XRN1: variants seen among roughly 807,000 people sequenced by gnomAD.
The protein encoded by XRN1 is 5'-3' exoribonuclease 1, also known as strand-exchange protein 1 homolog.
In XRN1, 67 loss-of-function variants were observed where a neutral mutation model predicts 222.3. That is an observed-to-expected ratio of 0.30 (90% CI 0.25 to 0.37). XRN1 has a LOEUF of 0.37. Ranked by LOEUF, XRN1 falls within the 10% of genes least tolerant of loss-of-function variation. XRN1 has a pLI of 1.00. For synonymous variants in XRN1, 643 were observed against 652.4 expected (o/e 0.99, Z 0.22); for missense variants, 1,707 against 2,000.2 (o/e 0.85, Z 2.80).
intron 29 of XRN1, among the ~76,000 whole-genome samples, chr3:142,361,250 C>T (rs1055007666): frequency 6.6e-6 from 1 of 152,232 alleles, no homozygotes; most frequent in Middle Eastern, 3.2e-3. Context: ...TATTCCACTG[C>T]ATATGTATCC....
intron 29 of XRN1, among the ~76,000 whole-genome samples, chr3:142,362,029 T>C (rs1288811201): frequency 1.4e-5 from 2 of 144,986 alleles, no homozygotes; most frequent in East Asian, 2.0e-4. Context: ...AGTGCAGTGG[T>C]GTGATCTCAG....
At chr3:142,417,554 T>A (rs755917168) in intron 12 of XRN1, among the ~76,000 whole-genome samples, 71 of 152,210 alleles carry the variant, frequency 4.7e-4, no homozygotes, top group Admixed American at 7.9e-4. Context: ...CTCTCTTAAA[T>A]AGTGGGGGTG....
intron 12 of XRN1, 138 bp downstream of exon 12, chr3:142,418,366 A>C (rs949310779): frequency 3.3e-6 from 2 of 603,338 alleles, no homozygotes; most frequent in African/African-American, 1.9e-5. Context: ...CCAAAACCAG[A>C]CTAGTTGAAA....
chr3:142,369,781 C>T (rs1337689776), intron 27 of XRN1, among the ~76,000 whole-genome samples: 1 of 151,652 alleles, frequency 6.6e-6, no homozygotes, highest in Non-Finnish European at 1.5e-5. Flanking sequence ...TGTGGTGACT[C>T]ACCCCTGTAA....
chr3:142,329,567 T>C lies in XRN1; in HGVS notation c.4271A>G (p.Gln1424Arg), dbSNP rs2065630884. The change falls in exon 37 of 41, where the codon CAG becomes CGG. Residue 1424 changes from glutamine to arginine, a missense_variant. By Grantham distance (43) the Gln-to-Arg change is conservative. This residue lies in a region of XRN1 where 473 missense variants were observed against 482.0 expected (regional missense o/e 0.98). Coordinates refer to ENST00000392981, the MANE Select transcript of XRN1 (RefSeq NM_001282857.2). ...AGGCCAACACATATTGTCCATAGAC[T>C]GAACATTATGGTACTCATTAGCACT... ...PHSANEYHNV[Q>R]SMDNMCWPAP... 2.5e-6 allele frequency: 4 copies of C among 1,584,900 alleles called. No individual in the cohort carries two copies. The highest frequency in any genetic ancestry group is 3.4e-6 in the Non-Finnish European group (4 of 1,169,362).
At chr3:142,365,019 G>T in intron 29 of XRN1, 28 bp downstream of exon 29, 1 of 1,601,540 alleles carries the variant, frequency 6.2e-7, no homozygotes, top group Non-Finnish European at 8.5e-7. Flanking sequence ...AAATTACGTT[G>T]AAGACATTTC....
intron 1 of XRN1, among the ~76,000 whole-genome samples, chr3:142,436,820 G>A (rs1159524340): frequency 3.3e-5 from 5 of 152,072 alleles, no homozygotes; most frequent in African/African-American, 4.8e-5. Context: ...ATTTACATAC[G>A]TATCTGCATA....
rs185579940 is a variant in XRN1, at chr3:142,396,551, T to C, written c.2339+778A>G. ...AATATGCTCTACCTCTCGAGAGCTA[T>C]GTTTATCTCCTTTGGTGTTGGATGG... On this transcript the variant is annotated intron_variant, in intron 20 of 40. Transcript: ENST00000392981. Among the ~76,000 whole-genome samples the C allele has an allele frequency of 4.2e-3, 646 of 152,302 alleles. 12 individuals carry two copies. The highest frequency in any genetic ancestry group is 0.015 in the African/African-American group (626 of 41,556).
chr3:142,364,903 T>TA, intron 29 of XRN1, 144 bp downstream of exon 29: 27 of 871,970 alleles, frequency 3.1e-5, no homozygotes, highest in African/African-American at 3.9e-5. Context: ...AAGTATAACC[T>TA]AAAAAAAATT....
intron 25 of XRN1, among the ~76,000 whole-genome samples, chr3:142,373,794 C>T (rs944995680): frequency 2.0e-5 from 3 of 151,978 alleles, no homozygotes; most frequent in East Asian, 1.9e-4. Context: ...TTGAGACCAA[C>T]GTGGTGAAAC....
intron 15 of XRN1, among the ~76,000 whole-genome samples, chr3:142,410,122 A>G (rs192875245): frequency 6.6e-6 from 1 of 152,304 alleles, no homozygotes; most frequent in East Asian, 1.9e-4. Flanking sequence ...ATCTTAACAC[A>G]CTGGACCTCC....
At chr3:142,423,188 T>C (rs532199614) in intron 6 of XRN1, among the ~76,000 whole-genome samples, 11 of 152,202 alleles carry the variant, frequency 7.2e-5, no homozygotes, top group Admixed American at 1.3e-4. Flanking sequence ...AAATAACATA[T>C]AGTAGAAGTA....
intron 40 of XRN1, 114 bp from the exon 41 acceptor site, chr3:142,311,927 G>T: frequency 1.9e-6 from 2 of 1,049,468 alleles, no homozygotes; most frequent in Non-Finnish European, 2.7e-6. Flanking sequence ...GCTGATCTGT[G>T]ACTTCCACTT....
At chr3:142,427,355 A>AT (rs1306185262) in intron 2 of XRN1, among the ~76,000 whole-genome samples, 2 of 152,082 alleles carry the variant, frequency 1.3e-5, no homozygotes, top group East Asian at 3.9e-4. Context: ...AAAAAATTGA[A>AT]TTTTTCGGAT....
rs1040689972 is a variant in XRN1 at position 142,362,593 on chromosome 3, G to A, written c.3394+2454C>T. On this transcript the variant is annotated intron_variant, in intron 29 of 40. Transcript: ENST00000392981. ...TTTTTTCTTCGTCCCCCCTACCCCC[G>A]CCCCCACCCCCACCTCCATCCCTCC... Among the ~76,000 whole-genome samples the A allele has an allele frequency of 2.0e-4, 5 of 25,280 alleles. No individual in the cohort carries two copies. The East Asian group carries it at 4.3e-3, about 22-fold the overall frequency. The allele number at this position is 25,280 out of a possible 152,430, so 16.6% of individuals were successfully genotyped here. A position where few individuals can be genotyped will look rare whatever the true frequency, so the allele number is the denominator to read the frequency against.
intron 1 of XRN1, among the ~76,000 whole-genome samples, chr3:142,446,399 C>T (rs1398319697): frequency 1.3e-5 from 2 of 152,080 alleles, no homozygotes; most frequent in Admixed American, 6.6e-5. Flanking sequence ...AATTCTCCTC[C>T]CAGTTTCTAT....
chr3:142,416,732 A>G (rs950728699), intron 13 of XRN1, among the ~76,000 whole-genome samples: 1 of 152,144 alleles, frequency 6.6e-6, no homozygotes, highest in African/African-American at 2.4e-5. Flanking sequence ...GAACTTTTAA[A>G]AAATTACCAT....
intron 2 of XRN1, among the ~76,000 whole-genome samples, chr3:142,432,409 A>C (rs1034366931): frequency 6.6e-6 from 1 of 151,110 alleles, no homozygotes; most frequent in Non-Finnish European, 1.5e-5. Context: ...TGATAGAGTG[A>C]GATTCTGTCT....
intron 15 of XRN1, among the ~76,000 whole-genome samples, chr3:142,405,775 GA>G (rs1200374624): frequency 1.3e-5 from 2 of 151,376 alleles, no homozygotes; most frequent in Non-Finnish European, 2.9e-5. Context: ...CTATCCAGCT[GA>G]AAAAAAAGCA....
Sources: allele counts gnomAD v4.1 joint callset (sites outside exome capture counted in the v4.1 genomes callset), GRCh38; gene constraint gnomAD v4.1.1; regional missense constraint gnomAD v4.1.1; transcripts MANE v1.5; gene names NCBI Gene and HGNC (gene_info 2026-07-23, HGNC 2026-07-21).